Variants in FHIT observed in about 807,000 individuals in gnomAD.
FHIT encodes the protein bis(5'-adenosyl)-triphosphatase.
Under a neutral mutation model 17.9 loss-of-function variants are expected in FHIT, and 19 were observed. That is an observed-to-expected ratio of 1.06 (90% confidence interval 0.74 to 1.56). The LOEUF (loss-of-function observed/expected upper bound fraction) is 1.56, where lower values mean the gene tolerates loss of function less well. Ranked by LOEUF, FHIT falls within the 40% of genes most tolerant of loss-of-function variation. FHIT has a pLI of 0.00. For missense variants in FHIT, 248 were observed against 189.2 expected (o/e 1.31, Z -1.82); for synonymous variants, 81 against 69.7 (o/e 1.16, Z -0.81).
At chr3:59,858,197 A>T (rs1702251735) in intron 8 of FHIT, among the ~76,000 whole-genome samples, 1 of 151,908 alleles carries the variant, frequency 6.6e-6, no homozygotes, top group Non-Finnish European at 1.5e-5. Context: ...CTATCAGCAA[A>T]AAGACATAAA....
chr3:59,963,532 A>G (rs1707785787), intron 7 of FHIT, among the ~76,000 whole-genome samples: 1 of 152,178 alleles, frequency 6.6e-6, no homozygotes, highest in South Asian at 2.1e-4. Context: ...AATCTCATTC[A>G]GTGGATAGGG....
At chr3:60,869,107 G>A (rs1553754467) in intron 3 of FHIT, among the ~76,000 whole-genome samples, 2 of 152,046 alleles carry the variant, frequency 1.3e-5, no homozygotes, top group African/African-American at 4.8e-5. Flanking sequence ...GAAGGATTTG[G>A]AAAATTTAAT....
intron 5 of FHIT, among the ~76,000 whole-genome samples, chr3:60,051,381 A>C (rs1297954923): frequency 7.0e-6 from 1 of 143,470 alleles, no homozygotes; most frequent in Non-Finnish European, 1.5e-5. Context: ...ACAGGCTGCC[A>C]ACTGATCAGA....
intron 5 of FHIT, among the ~76,000 whole-genome samples, chr3:60,521,639 GC>G (rs1227412645): frequency 6.6e-6 from 1 of 152,140 alleles, no homozygotes; most frequent in Non-Finnish European, 1.5e-5. Context: ...TCTCACAAGA[GC>G]CCAGGAGGCA....
At position 59,983,081 on chromosome 3, in the gene FHIT, G is replaced by A. The variant is rs1374169521; in HGVS notation, c.279+28290C>T. Among the ~76,000 whole-genome samples, 6 of 151,940 alleles carry A rather than the reference G, an allele frequency of 3.9e-5. No individual in the cohort carries two copies. The East Asian group carries it at 1.2e-3, about 29-fold the overall frequency. On this transcript the variant is annotated intron_variant, in intron 7 of 9. Transcript: ENST00000492590. The stretch of plus-strand genomic sequence containing the variant: ...AGTCTTCCAAGTAGCTGGGACTAGA[G>A]GCATGTGCCACCATGCCCAGCTAAT...
At chr3:61,091,366 G>A (rs72877862) in intron 2 of FHIT, among the ~76,000 whole-genome samples, 1,795 of 152,192 alleles carry the variant, frequency 0.012, 21 homozygotes, top group African/African-American at 0.035. Context: ...GGCAAGACAC[G>A]TAACCTTCCT....
intron 8 of FHIT, among the ~76,000 whole-genome samples, chr3:59,858,512 C>T (rs866778951): frequency 2.0e-5 from 3 of 152,072 alleles, no homozygotes; most frequent in Non-Finnish European, 4.4e-5. Flanking sequence ...AGGTGTGAGC[C>T]ATCGTGCCCA....
At chr3:60,067,250 A>G (rs1199990435) in intron 5 of FHIT, among the ~76,000 whole-genome samples, 2 of 152,220 alleles carry the variant, frequency 1.3e-5, no homozygotes, top group Non-Finnish European at 2.9e-5. Flanking sequence ...TACATTTGCT[A>G]AATAGATATG....
intron 2 of FHIT, among the ~76,000 whole-genome samples, chr3:61,065,296 T>TAC (rs59356931): frequency 0.58 from 82,785 of 143,394 alleles, 23,754 homozygotes; most frequent in Non-Finnish European, 0.67. Context: ...CACACACACA[T>TAC]ACACACACAG....
At chr3:60,734,998 C>T (rs922291113) in intron 4 of FHIT, among the ~76,000 whole-genome samples, 89 of 152,142 alleles carry the variant, frequency 5.8e-4, no homozygotes, top group African/African-American at 1.7e-3. Flanking sequence ...AACTCAGACA[C>T]AAAATGACCA....
Position 60,173,916 on chromosome 3 carries a change from T to TATATATA in FHIT, c.104-159765_104-159764insTATATAT, listed in dbSNP as rs1343702595. 2.2e-4 allele frequency among the ~76,000 whole-genome samples: 15 copies of TATATATA among 68,052 alleles called. 1 individual carries two copies. The highest frequency in any genetic ancestry group is 3.0e-4 in the Non-Finnish European group (11 of 36,690). 44.6% of individuals were successfully genotyped at this position (68,052 alleles called of 152,430 possible). On this transcript the variant is annotated intron_variant, in intron 5 of 9. Transcript: ENST00000492590. ...ATATATATATATATATATATATATA[T>TATATATA]GTTTTTTTTTTTTTTTGAGATCGAG...
chr3:60,227,245 T>C (rs570220546), intron 5 of FHIT, among the ~76,000 whole-genome samples: 1 of 152,174 alleles, frequency 6.6e-6, no homozygotes, highest in Non-Finnish European at 1.5e-5. Flanking sequence ...TTTACCAAGA[T>C]TCTTAATAAA....
At chr3:61,127,500 A>T (rs1182644798) in intron 2 of FHIT, among the ~76,000 whole-genome samples, 1 of 152,234 alleles carries the variant, frequency 6.6e-6, no homozygotes, top group African/African-American at 2.4e-5. Flanking sequence ...TGATCACCTA[A>T]AAATAGAAGC....
At chr3:60,890,948 A>G (rs142280586) in intron 3 of FHIT, among the ~76,000 whole-genome samples, 165 of 152,336 alleles carry the variant, frequency 1.1e-3, no homozygotes, top group Non-Finnish European at 2.0e-3. Context: ...CCACACATCA[A>G]TGGCATGAGC....
chr3:61,080,054 A>C (rs941464125), intron 2 of FHIT, among the ~76,000 whole-genome samples: 1 of 152,164 alleles, frequency 6.6e-6, no homozygotes, highest in African/African-American at 2.4e-5. Flanking sequence ...TTTACACTGG[A>C]ATAGAAGTCA....
chr3:60,206,111 C>T (rs1364001100), intron 5 of FHIT, among the ~76,000 whole-genome samples: 4 of 141,372 alleles, frequency 2.8e-5, no homozygotes, highest in African/African-American at 7.8e-5. Context: ...CCAGCCTGGG[C>T]GACACAGCGA....
chr3:60,860,875 A>T (rs1254831720), intron 3 of FHIT, among the ~76,000 whole-genome samples: 2 of 88,256 alleles, frequency 2.3e-5, no homozygotes, highest in African/African-American at 4.3e-5. Flanking sequence ...CATATATATC[A>T]TGTATATATG....
chr3:59,937,466 G>T (rs755923242), intron 7 of FHIT, among the ~76,000 whole-genome samples: 1 of 152,122 alleles, frequency 6.6e-6, no homozygotes, highest in Non-Finnish European at 1.5e-5. Flanking sequence ...TTTAAACATC[G>T]TCAGGAGGGA....
At position 59,747,440 on chromosome 3, in the gene FHIT, T is replaced by A. The variant is rs2106701728; in HGVS notation, c.*2145A>T. Among the ~76,000 whole-genome samples the A allele has an allele frequency of 6.6e-6, 1 of 152,058 alleles. No individual in the cohort carries two copies. On this transcript the variant is annotated 3_prime_UTR_variant, in exon 10 of 10. Transcript: ENST00000492590. The stretch of plus-strand genomic sequence containing the variant: ...CATGAGAACAGCATGGGAAAGACCC[T>A]CCCCCTTGATTCAGTTACCTCCCAC...
Sources: allele counts gnomAD v4.1 joint callset (sites outside exome capture counted in the v4.1 genomes callset), GRCh38; gene constraint gnomAD v4.1.1; transcripts MANE v1.5; gene names NCBI Gene and HGNC (gene_info 2026-07-23, HGNC 2026-07-21).